WRN: variants seen among roughly 807,000 people sequenced by gnomAD.
The protein encoded by WRN is bifunctional 3'-5' exonuclease/ATP-dependent helicase WRN.
In WRN, 149 loss-of-function variants were observed where a neutral mutation model predicts 180.7. The ratio of observed to expected loss-of-function variants is 0.82; its 90% CI spans 0.72 to 0.94. The LOEUF (loss-of-function observed/expected upper bound fraction) is 0.94, where lower values mean the gene tolerates loss of function less well. Among genes scored for constraint, WRN ranks in the 40% least tolerant of loss-of-function variants. WRN has a pLI of 0.00. For missense variants in WRN, 1,661 were observed against 1,700.1 expected, an observed-to-expected ratio of 0.98 and a Z score of 0.40; for synonymous variants, 548 against 568.9, an observed-to-expected ratio of 0.96 and a Z score of 0.52.
At chr8:31,170,924 T>C (rs572287929) in intron 34 of WRN, among the ~76,000 whole-genome samples, 3 of 152,328 alleles carry the variant, frequency 2.0e-5, no homozygotes, top group South Asian at 2.1e-4. Context: ...TATAGAAATA[T>C]AGAAGATAAG....
In WRN at chr8:31,096,801, A is replaced by G. The variant is rs758979216; in HGVS notation, c.1932A>G (p.Glu644=). The G allele has an allele frequency of 3.7e-6, 6 of 1,612,780 alleles. No individual in the cohort carries two copies. Among genetic ancestry groups the G allele is most frequent in the South Asian group, 2.2e-5 (2 of 91,064 alleles). The change falls in exon 17 of 35, where the codon GAA becomes GAG. Residue 644 remains glutamate, a synonymous_variant. Transcript: ENST00000298139. The part of the protein sequence containing the change: ...GKYRIVYVTP[E]YCSGNMGLLQ... ...ACCGGATTGTATACGTAACTCCAGA[A>G]TACTGTTCAGGTAACATGGGCCTGC...
intron 18 of WRN, among the ~76,000 whole-genome samples, chr8:31,101,188 C>G (rs1472512922): frequency 6.6e-6 from 1 of 152,132 alleles, no homozygotes; most frequent in Non-Finnish European, 1.5e-5. Context: ...ATATTTCAAG[C>G]TTTATAGGCC....
chr8:31,082,430 T>A (rs182349601), intron 9 of WRN, among the ~76,000 whole-genome samples: 1 of 152,226 alleles, frequency 6.6e-6, no homozygotes, highest in African/African-American at 2.4e-5. Context: ...CATTTTAAAA[T>A]GGTTTTCAAA....
intron 1 of WRN, among the ~76,000 whole-genome samples, chr8:31,052,540 A>G (rs1812115287): frequency 6.6e-6 from 1 of 152,072 alleles, no homozygotes; most frequent in African/African-American, 2.4e-5. Flanking sequence ...GGCGTGCACC[A>G]CCATGTCCAG....
intron 1 of WRN, among the ~76,000 whole-genome samples, chr8:31,045,628 C>T (rs1221954161): frequency 3.3e-5 from 5 of 152,148 alleles, no homozygotes; most frequent in Non-Finnish European, 5.9e-5. Flanking sequence ...TCTCGAACTC[C>T]TGACCTCAGG....
chr8:31,044,833 C>A (rs1811798825), intron 1 of WRN, among the ~76,000 whole-genome samples: 1 of 152,158 alleles, frequency 6.6e-6, no homozygotes, highest in African/African-American at 2.4e-5. Flanking sequence ...TTAATTTACC[C>A]TATAACTGCT....
At chr8:31,069,673 A>T (rs1163581524) in intron 7 of WRN, among the ~76,000 whole-genome samples, 1 of 152,158 alleles carries the variant, frequency 6.6e-6, no homozygotes, top group African/African-American at 2.4e-5. Context: ...TCATCTATGG[A>T]TTTGATATCA....
chr8:31,079,960 G>C (rs1236853574), intron 8 of WRN, among the ~76,000 whole-genome samples: 1 of 151,942 alleles, frequency 6.6e-6, no homozygotes, highest in Admixed American at 6.6e-5. Flanking sequence ...AGCTCACTGG[G>C]GCCCCTACCT....
In WRN at chr8:31,157,405, C is replaced by A. The variant is rs1248248259; in HGVS notation, c.3857C>A (p.Thr1286Lys). The A allele has an allele frequency of 1.2e-6, 2 of 1,614,078 alleles. No homozygotes were observed. The highest frequency in any genetic ancestry group is 1.7e-5 in the Admixed American group (1 of 60,006). The change falls in exon 33 of 35, where the codon ACA becomes AAA. Residue 1286 changes from threonine (T) to lysine (K), a missense_variant. Physicochemically the swap from Thr to Lys is moderately conservative, Grantham distance 78. Coordinates refer to ENST00000298139, the MANE Select transcript of WRN (RefSeq NM_000553.6). The stretch of plus-strand genomic sequence containing the variant: ...GAGAGCAGGATTCTGCCTCTCATGA[C>A]AATTGGCATGCACTTATCCCAAGCG... ...IAESRILPLMTIGMHLSQAVK... is the reference protein window; with the variant it reads ...IAESRILPLMKIGMHLSQAVK...
At chr8:31,165,753 CAAATA>C (rs546569070) in intron 33 of WRN, among the ~76,000 whole-genome samples, 41 of 151,820 alleles carry the variant, frequency 2.7e-4, no homozygotes, top group Non-Finnish European at 5.3e-4. Context: ...AATTTGAAGA[CAAATA>C]AAAGGGAACT....
intron 8 of WRN, among the ~76,000 whole-genome samples, chr8:31,080,387 G>A (rs1813253675): frequency 6.6e-6 from 1 of 151,730 alleles, no homozygotes; most frequent in African/African-American, 2.4e-5. Flanking sequence ...TCTGAGTGCG[G>A]AGTCCTAGGC....
chr8:31,096,626 C>T (rs1006767526), intron 16 of WRN, 142 bp from the exon 17 acceptor site: 14 of 678,004 alleles, frequency 2.1e-5, no homozygotes, highest in Middle Eastern at 3.5e-4. Flanking sequence ...TTTAGATTTT[C>T]GTGACATAAA....
chr8:31,150,720 A>G (rs1803090057), intron 31 of WRN, among the ~76,000 whole-genome samples: 1 of 152,204 alleles, frequency 6.6e-6, no homozygotes, highest in Non-Finnish European at 1.5e-5. Context: ...AATTGGAAAC[A>G]TTATTTTAGG....
intron 1 of WRN, among the ~76,000 whole-genome samples, chr8:31,046,356 C>A (rs1405296094): frequency 6.6e-6 from 1 of 152,056 alleles, no homozygotes; most frequent in Non-Finnish European, 1.5e-5. Flanking sequence ...TGATAGCAAT[C>A]AGACTCTTTT....
In WRN at chr8:31,167,096, G is replaced by A; in HGVS notation, c.4057G>A (p.Glu1353Lys). The A allele has an allele frequency of 1.9e-6, 3 of 1,613,432 alleles. No homozygotes were observed. The highest frequency in any genetic ancestry group is 1.7e-6 in the Non-Finnish European group (2 of 1,179,540). ...CACGTACCTTATCCACATGGCAATTGAGATCCTTAAACATGGTCCTGACAG... is the reference window on the plus strand; with the variant it reads ...CACGTACCTTATCCACATGGCAATTAAGATCCTTAAACATGGTCCTGACAG... ...IDTYLIHMAIEILKHGPDSGL... is the reference protein window; with the variant it reads ...IDTYLIHMAIKILKHGPDSGL... Residue 1353 changes from glutamate to lysine, a missense_variant, in exon 34 of 35, where the codon GAG becomes AAG. By Grantham distance (56) the Glu-to-Lys change is moderately conservative (BLOSUM62 1). Coordinates refer to ENST00000298139, the MANE Select transcript of WRN (RefSeq NM_000553.6).
chr8:31,093,263 G>A (rs992771523), intron 16 of WRN, among the ~76,000 whole-genome samples: 2 of 152,160 alleles, frequency 1.3e-5, no homozygotes, highest in Non-Finnish European at 2.9e-5. Flanking sequence ...ATTGATACAT[G>A]TCAAGGAGTG....
intron 9 of WRN, among the ~76,000 whole-genome samples, chr8:31,082,088 A>G (rs1051913383): frequency 1.3e-5 from 2 of 152,174 alleles, no homozygotes; most frequent in Non-Finnish European, 2.9e-5. Flanking sequence ...CTCATGTGAG[A>G]GAGTTTCTAA....
At chr8:31,056,976 C>A (rs1236412648) in intron 1 of WRN, among the ~76,000 whole-genome samples, 3 of 152,072 alleles carry the variant, frequency 2.0e-5, no homozygotes, top group Non-Finnish European at 4.4e-5. Context: ...TCTCTCTCCC[C>A]CAGTGGTGAA....
chr8:31,071,317 T>A (rs1406618541), intron 7 of WRN, among the ~76,000 whole-genome samples: 1 of 151,908 alleles, frequency 6.6e-6, no homozygotes, highest in Admixed American at 6.6e-5. Flanking sequence ...TGAATTACAT[T>A]AAAAAAATAA....
Sources: allele counts gnomAD v4.1 joint callset (sites outside exome capture counted in the v4.1 genomes callset), GRCh38; gene constraint gnomAD v4.1.1; transcripts MANE v1.5; gene names NCBI Gene and HGNC (gene_info 2026-07-23, HGNC 2026-07-21).